Variants in NOL4L observed in about 807,000 individuals in gnomAD.
NOL4L encodes nucleolar protein 4 like, also known as nucleolar protein 4-like.
Under a neutral mutation model 64.5 loss-of-function variants are expected in NOL4L, and 7 were observed. The ratio of observed to expected loss-of-function variants is 0.11; its 90% CI spans 0.06 to 0.20. The LOEUF is 0.20. Among genes scored for constraint, NOL4L ranks in the 10% least tolerant of loss-of-function variants. The pLI is 1.00. For missense variants in NOL4L, 680 were observed against 967.1 expected (o/e 0.70, Z 3.94); for synonymous variants, 413 against 401.0 (o/e 1.03, Z -0.36).
chr20:32,575,727 C>T (rs561461324), intron 1 of NOL4L, among the ~76,000 whole-genome samples: 1 of 152,296 alleles, frequency 6.6e-6, no homozygotes, highest in South Asian at 2.1e-4. Context: ...AGATCCTAAG[C>T]ACAGAAAGTA....
chr20:32,536,803 GGGGGGGGGGCGCACCAACGGGGC>G (rs1225344888), intron 1 of NOL4L, among the ~76,000 whole-genome samples: 22 of 123,784 alleles, frequency 1.8e-4, no homozygotes, highest in Non-Finnish European at 3.5e-4. Context: ...TGGGAGTGGG[GGGGGGGGGGCGCACCAACGGGGC>G]GGGGGGGGGA....
chr20:32,456,755 G>A (rs374120021), intron 5 of NOL4L, among the ~76,000 whole-genome samples: 1 of 152,208 alleles, frequency 6.6e-6, no homozygotes, highest in Non-Finnish European at 1.5e-5. Context: ...CTCGAAGCCC[G>A]GCCAGGCTCT....
At chr20:32,536,579 G>A (rs1427537127) in intron 1 of NOL4L, among the ~76,000 whole-genome samples, 1 of 148,016 alleles carries the variant, frequency 6.8e-6, no homozygotes, top group Non-Finnish European at 1.5e-5. Context: ...GCGCCGGGCT[G>A]GGTTCGGAGG....
Position 32,447,816 on chromosome 20 carries a change from C to T in NOL4L, c.1823G>A (p.Gly608Glu), listed in dbSNP as rs2012447144. The change falls in exon 11 of 11, where the codon GGG (glycine) becomes GAG (glutamate). Residue 608 changes from glycine (G) to glutamate (E), a missense_variant and splice_region_variant. Physicochemically the swap from Gly to Glu is moderately conservative, Grantham distance 98 (BLOSUM62 -2). This residue lies in a region of NOL4L where 175 missense variants were observed against 227.0 expected (regional missense o/e 0.77). Transcript: ENST00000621426. ...GCCTTTCATGCTGAGGTCCGTGGGC[C>T]CTGTGGAGAGGGAAGTAGGGTGAGA... ...ASLQTGNHSN[G>E]PTDLSMKGGA... 3 of 1,548,540 alleles carry T rather than the reference C, an allele frequency of 1.9e-6. No individual in the cohort carries two copies. The highest frequency in any genetic ancestry group is 2.6e-6 in the Non-Finnish European group (3 of 1,145,658).
chr20:32,567,712 T>C (rs1297430614), intron 1 of NOL4L, among the ~76,000 whole-genome samples: 1 of 152,182 alleles, frequency 6.6e-6, no homozygotes, highest in Non-Finnish European at 1.5e-5. Flanking sequence ...TCAGTGCCTC[T>C]CAGTGTTGCT....
At chr20:32,576,967 C>A (rs1217990895) in intron 1 of NOL4L, among the ~76,000 whole-genome samples, 1 of 152,166 alleles carries the variant, frequency 6.6e-6, no homozygotes, top group Admixed American at 6.5e-5. Flanking sequence ...CGGGGGTCCT[C>A]CCGTGCCCCT....
At chr20:32,479,602 C>T (rs755071168) in intron 4 of NOL4L, among the ~76,000 whole-genome samples, 7 of 152,150 alleles carry the variant, frequency 4.6e-5, no homozygotes, top group Non-Finnish European at 8.8e-5. Context: ...TCCATTACTT[C>T]TGGGTTCCCT....
chr20:32,582,169 T>A (rs1382427256), intron 1 of NOL4L: 1 of 151,282 alleles, frequency 6.6e-6, no homozygotes, highest in Non-Finnish European at 1.5e-5. Context: ...CAGGCGGGCG[T>A]GGGGAGCCCG....
chr20:32,459,551 T>C lies in NOL4L; in HGVS notation c.842-3156A>G, dbSNP rs555935724. Among the ~76,000 whole-genome samples the C allele has an allele frequency of 2.6e-5, 4 of 152,020 alleles. No homozygotes were observed. In the South Asian group the frequency reaches 8.3e-4, roughly 32 times the overall value. On this transcript the variant is annotated intron_variant, in intron 5 of 10. Transcript: ENST00000621426. Reference sequence around the variant, plus strand: ...GGCGCCCGCCACCATATTCAGCTAATTTTGTGTATTTTTAGTGGAGACACG... The same window carrying C: ...GGCGCCCGCCACCATATTCAGCTAACTTTGTGTATTTTTAGTGGAGACACG...
chr20:32,556,164 G>A (rs1240472740), intron 1 of NOL4L, among the ~76,000 whole-genome samples: 2 of 152,092 alleles, frequency 1.3e-5, no homozygotes, highest in Non-Finnish European at 2.9e-5. Flanking sequence ...CTGCGGCCTC[G>A]GGAGCTCTCC....
intron 1 of NOL4L, among the ~76,000 whole-genome samples, chr20:32,577,327 C>T (rs1179794147): frequency 6.6e-6 from 1 of 152,226 alleles, no homozygotes; most frequent in Non-Finnish European, 1.5e-5. Flanking sequence ...CTCTTCTCAG[C>T]AGGTGCCTGC....
At chr20:32,547,919 C>T (rs1411796778) in intron 1 of NOL4L, among the ~76,000 whole-genome samples, 1 of 152,080 alleles carries the variant, frequency 6.6e-6, no homozygotes, top group African/African-American at 2.4e-5. Flanking sequence ...TCCCCTCTGC[C>T]CACAACTGGG....
intron 1 of NOL4L, among the ~76,000 whole-genome samples, chr20:32,559,873 C>T (rs555631294): frequency 3.2e-4 from 49 of 152,252 alleles, no homozygotes; most frequent in Non-Finnish European, 5.4e-4. Flanking sequence ...CCAGGCCTGC[C>T]CAGGCCCTGC....
chr20:32,492,861 G>A (rs2016521058), intron 4 of NOL4L, among the ~76,000 whole-genome samples: 1 of 152,222 alleles, frequency 6.6e-6, no homozygotes, highest in African/African-American at 2.4e-5. Context: ...CACAATCATG[G>A]AGCTAGAAGC....
At chr20:32,472,986 G>A (rs1263793661) in intron 5 of NOL4L, among the ~76,000 whole-genome samples, 1 of 152,178 alleles carries the variant, frequency 6.6e-6, no homozygotes, top group Non-Finnish European at 1.5e-5. Context: ...GGCAGCAGGT[G>A]CTGAGGGAAC....
At chr20:32,504,373 A>G (rs536637838) in intron 4 of NOL4L, among the ~76,000 whole-genome samples, 3 of 152,058 alleles carry the variant, frequency 2.0e-5, no homozygotes, top group Non-Finnish European at 4.4e-5. Context: ...ATCCTGGCTA[A>G]CACAGTGAAA....
chr20:32,520,418 C>T, intron 3 of NOL4L: 1 of 160,342 alleles, frequency 6.2e-6, no homozygotes, highest in Non-Finnish European at 1.4e-5. Context: ...AGGATGCATG[C>T]ACACGTCTCA....
intron 1 of NOL4L, among the ~76,000 whole-genome samples, chr20:32,538,700 G>C (rs73613781): frequency 6.6e-6 from 1 of 152,164 alleles, no homozygotes; most frequent in Non-Finnish European, 1.5e-5. Flanking sequence ...TCCTGCCTCC[G>C]CTCTCCCCAT....
At chr20:32,553,384 A>G (rs1222036115) in intron 1 of NOL4L, among the ~76,000 whole-genome samples, 1 of 152,020 alleles carries the variant, frequency 6.6e-6, no homozygotes, top group African/African-American at 2.4e-5. Context: ...CTCACCAGGC[A>G]CTTCCTGCCG....
Sources: allele counts gnomAD v4.1 joint callset (sites outside exome capture counted in the v4.1 genomes callset), GRCh38; gene constraint gnomAD v4.1.1; regional missense constraint gnomAD v4.1.1; transcripts MANE v1.5; gene names NCBI Gene and HGNC (gene_info 2026-07-23, HGNC 2026-07-21).